RGPD5: variants seen among roughly 807,000 people sequenced by gnomAD.
The protein encoded by RGPD5 is RANBP2-like and GRIP domain-containing protein 5/6.
At chr2:109,764,086 G>A in the RGPD5 span, among the ~76,000 whole-genome samples, 1 of 146,854 alleles carries the variant, frequency 6.8e-6, no homozygotes, top group Non-Finnish European at 1.5e-5. Context: ...TATCCAGATG[G>A]CTGTTTCAAC....
chr2:109,765,379 T>C, the RGPD5 span, among the ~76,000 whole-genome samples: 1 of 149,452 alleles, frequency 6.7e-6, no homozygotes, highest in Admixed American at 6.8e-5. Flanking sequence ...CCTCTTTCTT[T>C]CTCTTTCTTT....
At chr2:109,765,803 T>C in the RGPD5 span, among the ~76,000 whole-genome samples, 1 of 150,952 alleles carries the variant, frequency 6.6e-6, no homozygotes, top group Non-Finnish European at 1.5e-5. Context: ...TGCTTTTGCT[T>C]GTCTTCAAAT....
the RGPD5 span, among the ~76,000 whole-genome samples, chr2:109,766,223 C>T: frequency 6.6e-6 from 1 of 151,262 alleles, no homozygotes; most frequent in African/African-American, 2.4e-5. Context: ...AGAGTGGCTT[C>T]CAGGGCTAGG....
chr2:109,760,709 A>G, the RGPD5 span, among the ~76,000 whole-genome samples: 1 of 144,988 alleles, frequency 6.9e-6, no homozygotes, highest in Admixed American at 7.0e-5. Context: ...CGACGCTGAC[A>G]CCTCCCACCA....
At chr2:109,765,968 G>A in the RGPD5 span, among the ~76,000 whole-genome samples, 1 of 150,270 alleles carries the variant, frequency 6.7e-6, no homozygotes, top group African/African-American at 2.4e-5. Context: ...ACATTTTAAG[G>A]CCTATTCCTA....
the RGPD5 span, among the ~76,000 whole-genome samples, chr2:109,763,356 G>A: frequency 6.7e-6 from 1 of 150,178 alleles, no homozygotes. Flanking sequence ...GGGAAGATAG[G>A]GTAACCTGCC....
the RGPD5 span, among the ~76,000 whole-genome samples, chr2:109,762,330 T>G: frequency 6.7e-6 from 1 of 150,282 alleles, no homozygotes; most frequent in African/African-American, 2.4e-5. Context: ...AGGTTTACAT[T>G]TAGAGATGTT....
At chr2:109,778,690 T>TTC in the RGPD5 span, among the ~76,000 whole-genome samples, 1 of 139,828 alleles carries the variant, frequency 7.2e-6, no homozygotes, top group Non-Finnish European at 1.5e-5. Flanking sequence ...TTTTTTTCTT[T>TTC]TCTCTCTCTC....
Position 109,799,163 on chromosome 2 carries a change from C to T in RGPD5, c.73-2620C>T, listed in dbSNP as rs1429486167. Among the ~76,000 whole-genome samples the T allele has an allele frequency of 5.9e-5, 4 of 67,314 alleles. No homozygotes were observed. In the East Asian group the frequency reaches 1.4e-3, roughly 23 times the overall value. 44.2% of individuals were successfully genotyped at this position (67,314 alleles called of 152,430 possible). On this transcript the variant is annotated intron_variant, in intron 1 of 22. Coordinates refer to ENST00000016946, the MANE Select transcript of RGPD5 (RefSeq NM_005054.3). The stretch of plus-strand genomic sequence containing the variant: ...TGCGCCTGTAGTCCCAGCTTGTACC[C>T]GGGACGCAGAGGTTGCAGTGAGCTG...
chr2:109,774,683 C>T, the RGPD5 span, among the ~76,000 whole-genome samples: 12 of 50,512 alleles, frequency 2.4e-4, no homozygotes, highest in Non-Finnish European at 3.1e-4. Context: ...AGGTTTTAGA[C>T]TAGTGGAATT....
At chr2:109,765,777 C>T in the RGPD5 span, among the ~76,000 whole-genome samples, 1 of 151,002 alleles carries the variant, frequency 6.6e-6, no homozygotes, top group Non-Finnish European at 1.5e-5. Flanking sequence ...GGATGCTGCC[C>T]AGTAGTGCCC....
chr2:109,765,787 C>T, the RGPD5 span, among the ~76,000 whole-genome samples: 9 of 151,042 alleles, frequency 6.0e-5, no homozygotes, highest in South Asian at 6.4e-4. Context: ...CAGTAGTGCC[C>T]GCTGATGCTT....
the RGPD5 span, among the ~76,000 whole-genome samples, chr2:109,774,611 C>G: frequency 1.4e-5 from 1 of 69,100 alleles, no homozygotes; most frequent in Non-Finnish European, 2.4e-5. Flanking sequence ...GGAAAAACAT[C>G]TTGAGATTTA....
chr2:109,772,782 G>T, the RGPD5 span, among the ~76,000 whole-genome samples: 1 of 141,604 alleles, frequency 7.1e-6, no homozygotes, highest in South Asian at 2.3e-4. Flanking sequence ...ATGTCTGAAG[G>T]TCAGGAGGTC....
At chr2:109,766,779 T>C in the RGPD5 span, among the ~76,000 whole-genome samples, 1 of 149,858 alleles carries the variant, frequency 6.7e-6, no homozygotes, top group Admixed American at 6.9e-5. Context: ...CTGGAATAGA[T>C]TTGCCTGTTT....
chr2:109,764,478 T>C, the RGPD5 span, among the ~76,000 whole-genome samples: 1 of 149,386 alleles, frequency 6.7e-6, no homozygotes, highest in East Asian at 2.1e-4. Flanking sequence ...ATCTCTTAAG[T>C]AGAAGACCTT....
chr2:109,765,832 C>G, the RGPD5 span, among the ~76,000 whole-genome samples: 1 of 150,840 alleles, frequency 6.6e-6, no homozygotes, highest in Non-Finnish European at 1.5e-5. Flanking sequence ...AGGGGACATG[C>G]GCAGGCCAGT....
the RGPD5 span, among the ~76,000 whole-genome samples, chr2:109,760,931 C>T: frequency 1.5e-5 from 2 of 133,070 alleles, no homozygotes; most frequent in Non-Finnish European, 3.2e-5. Flanking sequence ...TCTGCCTCCC[C>T]GGGTGGGATG....
At chr2:109,761,455 C>T in the RGPD5 span, among the ~76,000 whole-genome samples, 1 of 149,474 alleles carries the variant, frequency 6.7e-6, no homozygotes, top group East Asian at 2.0e-4. Context: ...CCGGGCGCCC[C>T]AGGTATCCCT....
Sources: allele counts gnomAD v4.1 joint callset (sites outside exome capture counted in the v4.1 genomes callset), GRCh38; gene constraint gnomAD v4.1.1; transcripts MANE v1.5; gene names NCBI Gene and HGNC (gene_info 2026-07-23, HGNC 2026-07-21).